The following CLIC2 variants were observed in gnomAD, a reference collection of about 807,000 sequenced individuals.
CLIC2 encodes the protein CLIC family member 2, also known as chloride intracellular channel protein 2.
Under a neutral mutation model 14.8 loss-of-function variants are expected in CLIC2, and 9 were observed. The observed-to-expected ratio is 0.61, with a 90% CI of 0.37 to 1.06. The LOEUF (loss-of-function observed/expected upper bound fraction) is 1.06, where lower values mean the gene tolerates loss of function less well. CLIC2 is among the 50% of genes least tolerant of loss of function. CLIC2 has a pLI of 0.01. For synonymous variants in CLIC2, 61 were observed against 66.3 expected (o/e 0.92, Z 0.39); for missense variants, 148 against 181.4 (o/e 0.82, Z 1.06).
Position 155,290,406 on chromosome X carries a change from T to A in CLIC2, c.293+8379A>T, listed in dbSNP as rs1298820207. ...CTGGGCCCCTAATTAGTCTTCGAAT[T>A]CTTCTTTTTCCTGCATGCTGCTTGG... is the stretch of plus-strand genomic sequence containing the variant. On this transcript the variant is annotated intron_variant, in intron 3 of 5. Coordinates refer to ENST00000369449, the MANE Select transcript of CLIC2 (RefSeq NM_001289.6). 1.3e-5 allele frequency: 6 copies of A among 475,200 alleles called. No individual in the cohort carries two copies. In the Admixed American group the frequency reaches 1.9e-4, roughly 15 times the overall value. 39.2% of individuals were successfully genotyped at this position (475,200 alleles called of 1,213,427 possible).
rs899778815 is a variant in CLIC2 at position 155,277,238 on chromosome X, T to G, written c.*665A>C. 1.8e-5 allele frequency: 2 copies of G among 111,945 alleles called. No homozygotes were observed. Among genetic ancestry groups the G allele is most frequent in the African/African-American group, 6.5e-5 (2 of 30,881 alleles). 9.2% of individuals were successfully genotyped at this position (111,945 alleles called of 1,213,427 possible). On this transcript the variant is annotated 3_prime_UTR_variant, in exon 6 of 6. Transcript: ENST00000369449. ...ATTCAGTTGACTTTGTTTCTTATAT[T>G]GTTTTTTAAAATTATGTTTTATTTA...
intron 1 of CLIC2, among the ~76,000 whole-genome samples, chrX:155,313,974 G>A (rs1440666660): frequency 9.0e-6 from 1 of 111,065 alleles, no homozygotes; most frequent in Non-Finnish European, 1.9e-5. Flanking sequence ...TATCCCCGTG[G>A]GAACATAACT....
intron 1 of CLIC2, among the ~76,000 whole-genome samples, chrX:155,306,438 A>G (rs1305909852): frequency 8.9e-6 from 1 of 111,744 alleles, no homozygotes; most frequent in Admixed American, 9.5e-5. Flanking sequence ...TATCTGCAGA[A>G]CTATGAGTCA....
chrX:155,299,680 C>A (rs781944782), intron 1 of CLIC2, among the ~76,000 whole-genome samples: 4 of 106,286 alleles, frequency 3.8e-5, no homozygotes, highest in Admixed American at 1.0e-4. Context: ...CACCCACTAA[C>A]TCGTCATCTA....
chrX:155,291,373 G>C, intron 3 of CLIC2: 1 of 697,723 alleles, frequency 1.4e-6, no homozygotes, highest in Non-Finnish European at 2.3e-6. Flanking sequence ...GGTCTGGTGG[G>C]ACGTGGCGGC....
rs1462372946 is a variant in CLIC2 at position 155,305,316 on chromosome X, G to T, written c.58-6171C>A. 3.6e-5 allele frequency among the ~76,000 whole-genome samples: 4 copies of T among 112,167 alleles called. No individual in the cohort carries two copies. The Admixed American group carries it at 3.7e-4, about 11-fold the overall frequency. On this transcript the variant is annotated intron_variant, in intron 1 of 5. Transcript: ENST00000369449. ...AGCCCGCCGGAAAAGCGCAGTATTT[G>T]GGTGGGAGTGATCCGATTTTCCAGG...
At chrX:155,329,954 G>A (rs1334956655) in intron 1 of CLIC2, among the ~76,000 whole-genome samples, 5 of 111,113 alleles carry the variant, frequency 4.5e-5, no homozygotes, top group African/African-American at 1.3e-4. Flanking sequence ...CAAACTTCAC[G>A]TGTTCTCACT....
chrX:155,313,787 C>T (rs2075083596), intron 1 of CLIC2, among the ~76,000 whole-genome samples: 1 of 111,829 alleles, frequency 8.9e-6, no homozygotes, highest in South Asian at 3.8e-4. Flanking sequence ...TGGTCTGGGG[C>T]AAGTTCTCAG....
chrX:155,292,774 C>A lies in CLIC2; in HGVS notation c.293+6011G>T, dbSNP rs957158963. 11 of 561,447 alleles carry A rather than the reference C, an allele frequency of 2.0e-5. No individual in the cohort carries two copies. The African/African-American group carries it at 2.6e-4, about 13-fold the overall frequency. 46.3% of individuals were successfully genotyped at this position (561,447 alleles called of 1,213,427 possible). On this transcript the variant is annotated intron_variant, in intron 3 of 5. Coordinates refer to ENST00000369449, the MANE Select transcript of CLIC2 (RefSeq NM_001289.6). ...GACAGAGCGAGACTCCGTCTCAAAA[C>A]AAACAAACAAACAAACAAACAAACA... is the stretch of plus-strand genomic sequence containing the variant.
chrX:155,308,201 CAA>C (rs2075062340), intron 1 of CLIC2, among the ~76,000 whole-genome samples: 1 of 109,486 alleles, frequency 9.1e-6, no homozygotes, highest in Admixed American at 9.8e-5. Flanking sequence ...GTAAACCTAA[CAA>C]AGAGATTGAA....
At chrX:155,283,887 T>C (rs191446283) in intron 3 of CLIC2, among the ~76,000 whole-genome samples, 3 of 112,150 alleles carry the variant, frequency 2.7e-5, no homozygotes, top group East Asian at 2.8e-4. Context: ...CTCTGAAATA[T>C]TTGTTCCATT....
At chrX:155,287,720 T>C (rs2074948059) in intron 3 of CLIC2, among the ~76,000 whole-genome samples, 1 of 112,398 alleles carries the variant, frequency 8.9e-6, no homozygotes, top group South Asian at 3.6e-4. Context: ...AGAATTGCCT[T>C]GGCTATTCGG....
intron 3 of CLIC2, 57 bp from the exon 4 acceptor site, chrX:155,280,125 GCCC>G: frequency 7.6e-6 from 6 of 790,775 alleles, no homozygotes; most frequent in Non-Finnish European, 1.2e-5. Flanking sequence ...GAGACCAGGT[GCCC>G]TAGCTTGCAC....
intron 1 of CLIC2, among the ~76,000 whole-genome samples, chrX:155,302,514 C>T (rs373375334): frequency 2.1e-5 from 2 of 97,040 alleles, no homozygotes; most frequent in Non-Finnish European, 4.2e-5. Flanking sequence ...ATTTTGTTGA[C>T]CCTTTCAAAA....
chrX:155,326,943 G>T (rs2075140477), intron 1 of CLIC2, among the ~76,000 whole-genome samples: 1 of 111,688 alleles, frequency 9.0e-6, no homozygotes, highest in Admixed American at 9.5e-5. Flanking sequence ...GACACAAGTG[G>T]ATGTGGCTTT....
chrX:155,291,510 T>C (rs782119787), intron 3 of CLIC2, among the ~76,000 whole-genome samples: 4 of 112,116 alleles, frequency 3.6e-5, no homozygotes, highest in Non-Finnish European at 7.5e-5. Flanking sequence ...CCTTTATTTC[T>C]TTCTCTTGCC....
At chrX:155,298,009 C>A (rs1288435200) in intron 3 of CLIC2, among the ~76,000 whole-genome samples, 1 of 108,986 alleles carries the variant, frequency 9.2e-6, no homozygotes, top group Non-Finnish European at 1.9e-5. Flanking sequence ...CCAACCCCAA[C>A]AAACAGCTAC....
intron 1 of CLIC2, among the ~76,000 whole-genome samples, chrX:155,313,212 A>C (rs975126323): frequency 6.4e-5 from 7 of 109,259 alleles, no homozygotes; most frequent in Non-Finnish European, 1.1e-4. Context: ...AAAAAAAAAA[A>C]AAACAAAACT....
intron 1 of CLIC2, among the ~76,000 whole-genome samples, chrX:155,311,855 G>C (rs1276758757): frequency 1.8e-5 from 2 of 111,225 alleles, no homozygotes; most frequent in African/African-American, 6.5e-5. Context: ...AGGGAAAGCG[G>C]TTTCCCCTTA....
Sources: gnomAD v4.1 joint callset for allele counts (sites outside exome capture counted in the v4.1 genomes callset) on GRCh38, gnomAD v4.1.1 for gene constraint, MANE v1.5 for transcripts, NCBI Gene and HGNC (gene_info 2026-07-23, HGNC 2026-07-21) for gene names.